Variants in STK3 observed in about 807,000 individuals in gnomAD.
STK3 encodes serine/threonine-protein kinase 3.
STK3 carries 41 observed loss-of-function variants against 58.0 expected under a neutral mutation model. The observed-to-expected ratio is 0.71, with a 90% CI of 0.55 to 0.92. The LOEUF is 0.92. Ranked by LOEUF, STK3 falls within the 40% of genes least tolerant of loss-of-function variation. The pLI is 0.00. For synonymous variants in STK3, 170 were observed against 191.0 expected, an observed-to-expected ratio of 0.89 and a Z score of 0.91; for missense variants, 479 against 602.7, an observed-to-expected ratio of 0.79 and a Z score of 2.15.
At chr8:98,569,015 A>G (rs1378891337) in intron 8 of STK3, among the ~76,000 whole-genome samples, 9 of 152,206 alleles carry the variant, frequency 5.9e-5, no homozygotes, top group Non-Finnish European at 1.2e-4. Context: ...AAAGTTTTAA[A>G]TAACAGGGAC....
intron 3 of STK3, among the ~76,000 whole-genome samples, chr8:98,831,484 T>C (rs921154876): frequency 6.6e-6 from 1 of 152,214 alleles, no homozygotes. Flanking sequence ...CTCGAACTCC[T>C]GGTCTCAAGC....
At chr8:98,372,067 A>T (rs1817615867) in intron 2 of STK3, among the ~76,000 whole-genome samples, 1 of 152,178 alleles carries the variant, frequency 6.6e-6, no homozygotes, top group Non-Finnish European at 1.5e-5. Context: ...CAGGGAGAAC[A>T]CCATGTGAAG....
At chr8:98,845,697 AC>A (rs35980465) in intron 3 of STK3, among the ~76,000 whole-genome samples, 38,111 of 152,162 alleles carry the variant, frequency 0.25, 5,839 homozygotes, top group East Asian at 0.45. Context: ...GTTGCTAATG[AC>A]AGAAAATCAA....
At position 98,897,541 on chromosome 8, in the gene STK3, G is replaced by A. The variant is rs539612703; in HGVS notation, c.-78-13707C>T. ...ACCCGGGAGGCGGAGCTTGCAGTGA[G>A]CCGAGATCGTGCCACTGGACTCCAT... On this transcript the variant is annotated intron_variant, in intron 1 of 1. Transcript: ENST00000519420. Among the ~76,000 whole-genome samples the A allele has an allele frequency of 5.3e-5, 8 of 152,260 alleles. No individual in the cohort carries two copies. In the South Asian group the frequency reaches 1.7e-3, roughly 32 times the overall value.
chr8:98,891,161 G>A lies in STK3; in HGVS notation c.-78-7327C>T, dbSNP rs147576666. 2.2e-3 allele frequency among the ~76,000 whole-genome samples: 341 copies of A among 152,354 alleles called. 1 individual carries two copies. Among genetic ancestry groups the A allele is most frequent in the Non-Finnish European group, 3.7e-3 (250 of 68,034 alleles). Reference sequence around the variant, plus strand: ...GGGCTGGGGCAGTGACCACAGCCACGTGCTGCGCCTTTTGCAGCTCAGCAC... The same window carrying A: ...GGGCTGGGGCAGTGACCACAGCCACATGCTGCGCCTTTTGCAGCTCAGCAC... On this transcript the variant is annotated intron_variant, in intron 1 of 1. Coordinates refer to the STK3 transcript ENST00000519420.
intron 6 of STK3, among the ~76,000 whole-genome samples, chr8:98,658,076 T>C (rs1191970187): frequency 1.3e-5 from 2 of 152,044 alleles, no homozygotes; most frequent in Non-Finnish European, 2.9e-5. Flanking sequence ...CTTAAACATA[T>C]AAAATCTTTA....
chr8:98,811,975 A>G (rs1449176858), intron 1 of STK3, among the ~76,000 whole-genome samples: 1 of 152,088 alleles, frequency 6.6e-6, no homozygotes, highest in Non-Finnish European at 1.5e-5. Flanking sequence ...ATACCCAGCT[A>G]ATTTTTGTAT....
the STK3 span, among the ~76,000 whole-genome samples, chr8:98,366,133 T>G: frequency 1.3e-5 from 2 of 152,230 alleles, no homozygotes; most frequent in African/African-American, 4.8e-5. Context: ...TCCCTATATT[T>G]TCACCAATAC....
intron 1 of STK3, among the ~76,000 whole-genome samples, chr8:98,922,998 T>C (rs1291010242): frequency 6.6e-6 from 1 of 152,252 alleles, no homozygotes; most frequent in Non-Finnish European, 1.5e-5. Context: ...ATTGTCAAAC[T>C]CTGGCTGTTT....
intron 3 of STK3, among the ~76,000 whole-genome samples, chr8:98,869,078 GGAA>G (rs1837263124): frequency 7.5e-6 from 1 of 133,414 alleles, no homozygotes; most frequent in Non-Finnish European, 1.6e-5. Context: ...AAGGAAGGAA[GGAA>G]GGAGAGAAAG....
At chr8:98,630,664 GAGA>G (rs1031011065) in intron 6 of STK3, among the ~76,000 whole-genome samples, 1 of 149,774 alleles carries the variant, frequency 6.7e-6, no homozygotes, top group African/African-American at 2.5e-5. Context: ...GAAGGAGAAG[GAGA>G]AGGAGGAGAA....
intron 10 of STK3, among the ~76,000 whole-genome samples, chr8:98,524,815 A>G (rs1825631460): frequency 1.3e-5 from 2 of 152,204 alleles, no homozygotes; most frequent in Non-Finnish European, 2.9e-5. Context: ...TCAGCAGATG[A>G]CTGCAGTCAC....
intron 7 of STK3, among the ~76,000 whole-genome samples, chr8:98,588,777 C>T (rs976863716): frequency 4.6e-5 from 7 of 151,988 alleles, no homozygotes; most frequent in African/African-American, 1.7e-4. Flanking sequence ...TCCCATATTT[C>T]TTGGAGGCTT....
chr8:98,731,224 A>T (rs527991326), intron 4 of STK3, among the ~76,000 whole-genome samples: 1 of 152,294 alleles, frequency 6.6e-6, no homozygotes, highest in East Asian at 1.9e-4. Context: ...TAAACCCCAG[A>T]AGGACTCCAA....
intron 6 of STK3, among the ~76,000 whole-genome samples, chr8:98,697,370 T>C (rs1825057103): frequency 1.3e-5 from 2 of 152,254 alleles, no homozygotes; most frequent in Admixed American, 6.5e-5. Context: ...AGTTCTACTC[T>C]GATTTTAGTT....
chr8:98,836,842 A>G (rs1225283996), intron 3 of STK3, among the ~76,000 whole-genome samples: 2 of 152,226 alleles, frequency 1.3e-5, no homozygotes, highest in Non-Finnish European at 2.9e-5. Context: ...TTTAAAAACT[A>G]TGGAGAAGCT....
At chr8:98,844,712 T>A (rs1836133925) in intron 3 of STK3, among the ~76,000 whole-genome samples, 1 of 152,112 alleles carries the variant, frequency 6.6e-6, no homozygotes. Flanking sequence ...GGTATCCTCC[T>A]GCCTCAGCCT....
intron 8 of STK3, among the ~76,000 whole-genome samples, chr8:98,548,638 T>A (rs1810915014): frequency 6.6e-6 from 1 of 152,140 alleles, no homozygotes; most frequent in Admixed American, 6.5e-5. Flanking sequence ...TTTAGCAATT[T>A]TTAAGTGTAT....
At position 98,428,138 on chromosome 8, in the gene STK3, G is replaced by A; in HGVS notation, n.483+5989C>T. 6.2e-7 allele frequency: 1 copy of A among 1,614,036 alleles called. No individual in the cohort carries two copies. The highest frequency in any genetic ancestry group is 1.1e-5 in the South Asian group (1 of 91,078). On this transcript the variant is annotated intron_variant and non_coding_transcript_variant, in intron 3 of 3. Transcript: ENST00000517832. The surrounding 1 kb of genome is among the most constrained non-coding windows in gnomAD (Gnocchi z 6.7). ...GCTTGCTGCTCTGCCACTCGCGCGA[G>A]GCCATTCTGGAGCTCTGCGATGACT...
Sources: gnomAD v4.1 joint callset for allele counts (sites outside exome capture counted in the v4.1 genomes callset) on GRCh38, gnomAD v4.1.1 for gene constraint, Gnocchi (gnomAD v3.1) non-coding constraint, MANE v1.5 for transcripts, NCBI Gene and HGNC (gene_info 2026-07-23, HGNC 2026-07-21) for gene names.